The following PDIA6 variants were observed in gnomAD, a reference collection of about 807,000 sequenced individuals.
PDIA6 encodes protein disulfide isomerase family A member 6, also known as protein disulfide-isomerase A6.
In PDIA6, 29 loss-of-function variants were observed where a neutral mutation model predicts 58.4. That is an observed-to-expected ratio of 0.50 (90% confidence interval 0.37 to 0.68). PDIA6 has a LOEUF of 0.68. Ranked by LOEUF, PDIA6 falls within the 30% of genes least tolerant of loss-of-function variation. The pLI is 0.00. For synonymous variants in PDIA6, 192 were observed against 202.6 expected, an observed-to-expected ratio of 0.95 and a Z score of 0.44; for missense variants, 480 against 551.0, an observed-to-expected ratio of 0.87 and a Z score of 1.29.
chr2:10,789,980 A>ATTTT, intron 7 of PDIA6, 91 bp from the exon 8 acceptor site: 3 of 826,782 alleles, frequency 3.6e-6, no homozygotes, highest in Non-Finnish European at 3.5e-6. Context: ...CTTATAGGTA[A>ATTTT]TTTTTTTTTT....
At chr2:10,812,852 C>T (rs1223084311), upstream of PDIA6, 15 of 1,163,566 alleles carry the variant, frequency 1.3e-5, no homozygotes, top group Non-Finnish European at 1.6e-5. Context: ...GCTCGCCAAG[C>T]CGTGGCTGCG....
At chr2:10,794,515 A>G (rs1666184222) in intron 4 of PDIA6, among the ~76,000 whole-genome samples, 1 of 146,316 alleles carries the variant, frequency 6.8e-6, no homozygotes, top group South Asian at 2.1e-4. Flanking sequence ...TCCTGTACTC[A>G]AGTGATCCTC....
chr2:10,788,658 T>A (rs1665892826), intron 10 of PDIA6, 39 bp downstream of exon 10: 1 of 1,325,118 alleles, frequency 7.5e-7, no homozygotes, highest in Non-Finnish European at 1.1e-6. Context: ...TATAATCAGC[T>A]GTTCAGATGA....
intron 2 of PDIA6, among the ~76,000 whole-genome samples, chr2:10,818,485 TA>T (rs1667275251): frequency 3.0e-4 from 14 of 47,166 alleles, no homozygotes; most frequent in South Asian, 1.5e-3. Context: ...CCATTTAATT[TA>T]TTTATTTATT....
At chr2:10,802,346 G>A (rs1382925327) in intron 2 of PDIA6, among the ~76,000 whole-genome samples, 153 bp downstream of exon 2, 3 of 152,066 alleles carry the variant, frequency 2.0e-5, no homozygotes, top group African/African-American at 7.2e-5. Flanking sequence ...CAACAGACTA[G>A]ATACTTTGCA....
upstream of PDIA6, among the ~76,000 whole-genome samples, chr2:10,816,858 A>C (rs1320618207): frequency 6.6e-6 from 1 of 151,966 alleles, no homozygotes; most frequent in Non-Finnish European, 1.5e-5. Context: ...GGCAAGGGAG[A>C]GATGTCATGT....
chr2:10,816,315 C>T (rs1446923035), upstream of PDIA6, among the ~76,000 whole-genome samples: 1 of 151,446 alleles, frequency 6.6e-6, no homozygotes, highest in Non-Finnish European at 1.5e-5. Context: ...GAACTCCCAG[C>T]CTCAGGGTGA....
At chr2:10,823,049 G>C (rs373821285) in intron 1 of PDIA6, 3 of 152,358 alleles carry the variant, frequency 2.0e-5, no homozygotes, top group East Asian at 3.9e-4. Flanking sequence ...AATCCACTCA[G>C]GGACTAGATA....
intron 1 of PDIA6, among the ~76,000 whole-genome samples, 166 bp downstream of exon 1, chr2:10,812,512 C>T (rs888049683): frequency 6.6e-6 from 1 of 151,730 alleles, no homozygotes; most frequent in Non-Finnish European, 1.5e-5. Flanking sequence ...CGCACCTCCG[C>T]CGGGGCAACC....
At chr2:10,831,503 T>TGGGGCA (rs1260792317) in intron 1 of PDIA6, among the ~76,000 whole-genome samples, 1 of 152,154 alleles carries the variant, frequency 6.6e-6, no homozygotes, top group Non-Finnish European at 1.5e-5. Flanking sequence ...CCCCACATCC[T>TGGGGCA]GGGGCAGGGG....
intron 1 of PDIA6, among the ~76,000 whole-genome samples, chr2:10,804,813 G>A (rs1239486124): frequency 3.6e-5 from 5 of 139,442 alleles, no homozygotes; most frequent in Admixed American, 2.3e-4. Flanking sequence ...AGCATGGAAT[G>A]TTCTTCCATT....
At chr2:10,788,065 CAA>C (rs565180851) in intron 10 of PDIA6, among the ~76,000 whole-genome samples, 13 of 102,142 alleles carry the variant, frequency 1.3e-4, no homozygotes, top group East Asian at 2.9e-4. Flanking sequence ...GACTCTGTCT[CAA>C]AAAAAAAAAA....
chr2:10,806,367 CA>C (rs71392260), intron 1 of PDIA6, among the ~76,000 whole-genome samples: 36,904 of 105,848 alleles, frequency 0.35, 4,681 homozygotes, highest in East Asian at 0.43. Flanking sequence ...GACCTTGTCT[CA>C]AAAAAAAAAA....
intron 2 of PDIA6, among the ~76,000 whole-genome samples, 172 bp downstream of exon 2, chr2:10,802,327 C>A (rs1666545966): frequency 6.6e-6 from 1 of 152,188 alleles, no homozygotes; most frequent in Non-Finnish European, 1.5e-5. Context: ...AAAGACAGAT[C>A]TTCCTTAACA....
chr2:10,835,365 C>A (rs770990937), upstream of PDIA6, among the ~76,000 whole-genome samples: 3 of 152,072 alleles, frequency 2.0e-5, no homozygotes, highest in Non-Finnish European at 2.9e-5. Context: ...TTGACCAGGC[C>A]GCTGGCAGTG....
At chr2:10,822,188 C>T (rs1667417019) in intron 1 of PDIA6, among the ~76,000 whole-genome samples, 1 of 152,094 alleles carries the variant, frequency 6.6e-6, no homozygotes, top group Admixed American at 6.6e-5. Context: ...ATCAGCCTAC[C>T]TCGGCCTGCT....
At chr2:10,834,065 G>T (rs1282098730), upstream of PDIA6, among the ~76,000 whole-genome samples, 1 of 152,206 alleles carries the variant, frequency 6.6e-6, no homozygotes, top group South Asian at 2.1e-4. Flanking sequence ...CTGGGCATTA[G>T]GTGTTTTCTA....
chr2:10,818,727 T>A (rs1057268767), intron 2 of PDIA6, among the ~76,000 whole-genome samples: 5 of 151,612 alleles, frequency 3.3e-5, no homozygotes, highest in Non-Finnish European at 5.9e-5. Context: ...TTTGCCATGT[T>A]GGTCAGGCTG....
intron 1 of PDIA6, among the ~76,000 whole-genome samples, chr2:10,803,911 G>GTGTTTTTTTT (rs1666620761): frequency 8.5e-6 from 1 of 117,892 alleles, no homozygotes; most frequent in Non-Finnish European, 1.8e-5. Flanking sequence ...TAGTTTTTGT[G>GTGTTTTTTTT]TTTTTTTTTT....
Sources: gnomAD v4.1 joint callset for allele counts (sites outside exome capture counted in the v4.1 genomes callset) on GRCh38, gnomAD v4.1.1 for gene constraint, MANE v1.5 for transcripts, NCBI Gene and HGNC (gene_info 2026-07-23, HGNC 2026-07-21) for gene names.